The following KIF26B variants were observed in gnomAD, a reference collection of about 807,000 sequenced individuals.
The protein encoded by KIF26B is kinesin-like protein KIF26B.
KIF26B carries 63 observed loss-of-function variants against 151.2 expected under a neutral mutation model. The observed-to-expected ratio is 0.42, with a 90% CI of 0.34 to 0.51. The LOEUF (loss-of-function observed/expected upper bound fraction) is 0.51, where lower values mean the gene tolerates loss of function less well. Among genes scored for constraint, KIF26B ranks in the 20% least tolerant of loss-of-function variants. KIF26B has a pLI of 0.07. For missense variants in KIF26B, 2,813 were observed against 2,913.6 expected, an observed-to-expected ratio of 0.97 and a Z score of 0.79; for synonymous variants, 1,357 against 1,262.1, an observed-to-expected ratio of 1.08 and a Z score of -1.59.
intron 8 of KIF26B, among the ~76,000 whole-genome samples, chr1:245,611,223 GT>G (rs2043516957): frequency 6.6e-6 from 1 of 152,162 alleles, no homozygotes; most frequent in African/African-American, 2.4e-5. Flanking sequence ...CTTTACACTG[GT>G]TTCTTATTTA....
chr1:245,163,299 G>A (rs1668562586), intron 2 of KIF26B, among the ~76,000 whole-genome samples: 1 of 152,136 alleles, frequency 6.6e-6, no homozygotes. Flanking sequence ...GGACCACCAT[G>A]CCCAGCTAAT....
In KIF26B at chr1:245,682,424, A is replaced by G. The variant is rs187756395; in HGVS notation, c.2259-1809A>G. On this transcript the variant is annotated intron_variant, in intron 10 of 14. Transcript: ENST00000407071. ...GCTGACTGTATATGATCACAACCTA[A>G]CTGAGCAGAACTCACCCTCCACTAC... 6.1e-3 allele frequency among the ~76,000 whole-genome samples: 897 copies of G among 148,136 alleles called. 9 individuals carry two copies. The highest frequency in any genetic ancestry group is 0.017 in the African/African-American group (659 of 38,494).
At chr1:245,284,593 C>A in intron 2 of KIF26B, among the ~76,000 whole-genome samples, 1 of 152,134 alleles carries the variant, frequency 6.6e-6, no homozygotes, top group East Asian at 1.9e-4. Flanking sequence ...GTGTGTTGAC[C>A]TTTGGGGAAT....
chr1:245,609,987 T>A (rs1238741426), intron 8 of KIF26B, among the ~76,000 whole-genome samples: 1 of 152,188 alleles, frequency 6.6e-6, no homozygotes, highest in Non-Finnish European at 1.5e-5. Context: ...AGAACCGTGA[T>A]ATAATTGCTA....
intron 2 of KIF26B, among the ~76,000 whole-genome samples, chr1:245,201,456 T>A (rs1256341847): frequency 6.6e-6 from 1 of 152,226 alleles, no homozygotes; most frequent in Non-Finnish European, 1.5e-5. Flanking sequence ...CTCCAATCGC[T>A]TCTAACCTTC....
intron 4 of KIF26B, among the ~76,000 whole-genome samples, chr1:245,434,267 G>A (rs1031939299): frequency 2.0e-5 from 3 of 152,170 alleles, no homozygotes; most frequent in East Asian, 1.9e-4. Flanking sequence ...AGTGTTCAGC[G>A]ATAAAAATAA....
intron 4 of KIF26B, among the ~76,000 whole-genome samples, chr1:245,426,700 G>A (rs1658657518): frequency 6.6e-6 from 1 of 152,222 alleles, no homozygotes; most frequent in Admixed American, 6.5e-5. Flanking sequence ...GGGCTAGGCT[G>A]AGCAGAGAGG....
intron 2 of KIF26B, among the ~76,000 whole-genome samples, chr1:245,332,233 T>C (rs955308160): frequency 2.0e-5 from 3 of 152,186 alleles, no homozygotes; most frequent in African/African-American, 7.2e-5. Flanking sequence ...AGACCATTTG[T>C]GTATCAGTGG....
At chr1:245,510,910 T>G in intron 4 of KIF26B, 1 of 591,918 alleles carries the variant, frequency 1.7e-6, no homozygotes, top group Middle Eastern at 2.6e-4. Flanking sequence ...ACAAGAATGT[T>G]TCACCAGGGT....
At chr1:245,217,366 T>A (rs1669669432) in intron 2 of KIF26B, among the ~76,000 whole-genome samples, 1 of 9,400 alleles carries the variant, frequency 1.1e-4, no homozygotes, top group South Asian at 0.25. Context: ...TTTGTTAATT[T>A]TTTTTTTTTT....
chr1:245,377,349 G>T (rs749607378), intron 3 of KIF26B, among the ~76,000 whole-genome samples: 1 of 152,186 alleles, frequency 6.6e-6, no homozygotes, highest in African/African-American at 2.4e-5. Flanking sequence ...GTTGGCTCCA[G>T]GTATTCCTTG....
In KIF26B at chr1:245,358,412, C is replaced by T. The variant is rs1447231110; in HGVS notation, c.466-8422C>T. ...ATGGGTGCCTGTAGTCCCAGCTACT[C>T]GGGAGGCTGAGGCAGGAGAATGGTG... On this transcript the variant is annotated intron_variant, in intron 2 of 14. Coordinates refer to ENST00000407071, the MANE Select transcript of KIF26B (RefSeq NM_018012.4). The surrounding 1 kb of genome is among the most constrained non-coding windows in gnomAD (Gnocchi z 4.1). Among the ~76,000 whole-genome samples the T allele has an allele frequency of 2.0e-5, 3 of 152,012 alleles. No homozygotes were observed. Among genetic ancestry groups the T allele is most frequent in the Admixed American group, 6.6e-5 (1 of 15,260 alleles).
intron 4 of KIF26B, among the ~76,000 whole-genome samples, chr1:245,443,415 T>TCCCTCACTGTTCA (rs1659166276): frequency 1.2e-5 from 1 of 85,106 alleles, no homozygotes; most frequent in Non-Finnish European, 2.3e-5. Flanking sequence ...AGAGGTCATC[T>TCCCTCACTGTTCA]CCCTCACTGT....
At chr1:245,672,980 C>T (rs1338793608) in intron 10 of KIF26B, among the ~76,000 whole-genome samples, 1 of 152,174 alleles carries the variant, frequency 6.6e-6, no homozygotes. Context: ...CCTGGGTTTC[C>T]AGAGCTGGAA....
intron 4 of KIF26B, among the ~76,000 whole-genome samples, chr1:245,481,288 C>G (rs1021578480): frequency 3.3e-5 from 5 of 151,884 alleles, no homozygotes; most frequent in African/African-American, 9.7e-5. Flanking sequence ...AGAGAATGCC[C>G]GTAGCCACCA....
At chr1:245,415,539 G>A (rs1344353021) in intron 3 of KIF26B, among the ~76,000 whole-genome samples, 2 of 152,032 alleles carry the variant, frequency 1.3e-5, no homozygotes, top group East Asian at 1.9e-4. Flanking sequence ...AACCATAGCC[G>A]GTCTAACAGG....
intron 9 of KIF26B, among the ~76,000 whole-genome samples, chr1:245,618,680 T>G (rs1572161755): frequency 6.2e-5 from 8 of 128,800 alleles, no homozygotes; most frequent in Admixed American, 7.5e-5. Context: ...AGACTATAGG[T>G]TCCTTGAGAC....
At chr1:245,627,049 T>C (rs1045382412) in intron 9 of KIF26B, among the ~76,000 whole-genome samples, 1 of 152,202 alleles carries the variant, frequency 6.6e-6, no homozygotes, top group Non-Finnish European at 1.5e-5. Context: ...TGTAAATAGA[T>C]AGATTTATCT....
At chr1:245,483,242 A>G (rs1247278216) in intron 4 of KIF26B, among the ~76,000 whole-genome samples, 3 of 151,894 alleles carry the variant, frequency 2.0e-5, no homozygotes, top group African/African-American at 4.8e-5. Context: ...GTTAACATGC[A>G]TAGAGCATTT....
Sources: allele counts gnomAD v4.1 joint callset (sites outside exome capture counted in the v4.1 genomes callset), GRCh38; gene constraint gnomAD v4.1.1; non-coding constraint Gnocchi (gnomAD v3.1); transcripts MANE v1.5; gene names NCBI Gene and HGNC (gene_info 2026-07-23, HGNC 2026-07-21).